EBF2: variants seen among roughly 807,000 people sequenced by gnomAD.
The protein encoded by EBF2 is EBF transcription factor 2, also known as transcription factor COE2.
Under a neutral mutation model 72.8 loss-of-function variants are expected in EBF2, and 21 were observed. That is an observed-to-expected ratio of 0.29 (90% confidence interval 0.20 to 0.42). The LOEUF (loss-of-function observed/expected upper bound fraction) is 0.42. EBF2 is among the 10% of genes least tolerant of loss of function. The pLI is 1.00. For synonymous variants in EBF2, 299 were observed against 274.2 expected, an observed-to-expected ratio of 1.09 and a Z score of -0.89; for missense variants, 637 against 731.2, an observed-to-expected ratio of 0.87 and a Z score of 1.49.
intron 6 of EBF2, among the ~76,000 whole-genome samples, chr8:25,995,160 G>A (rs1804603885): frequency 6.6e-6 from 1 of 151,954 alleles, no homozygotes; most frequent in African/African-American, 2.4e-5. Context: ...ACAAACATTA[G>A]CCAGGCGTGG....
chr8:25,868,382 C>A (rs1802371184), intron 10 of EBF2, among the ~76,000 whole-genome samples: 1 of 152,168 alleles, frequency 6.6e-6, no homozygotes, highest in African/African-American at 2.4e-5. Context: ...TTAACACATC[C>A]ATTTTTGCTT....
chr8:25,927,590 G>A (rs1433173781), intron 6 of EBF2, among the ~76,000 whole-genome samples: 1 of 151,958 alleles, frequency 6.6e-6, no homozygotes, highest in Non-Finnish European at 1.5e-5. Context: ...TGCTAGGGTG[G>A]GCAACTCCTG....
chr8:25,918,028 GC>G (rs1344116788), intron 6 of EBF2, among the ~76,000 whole-genome samples: 3 of 152,202 alleles, frequency 2.0e-5, no homozygotes, highest in African/African-American at 4.8e-5. Context: ...TTTCACACCT[GC>G]CAGAACAGAT....
chr8:25,860,391 TAATCAC>T (rs1802191099), intron 13 of EBF2, among the ~76,000 whole-genome samples: 1 of 152,126 alleles, frequency 6.6e-6, no homozygotes, highest in Non-Finnish European at 1.5e-5. Context: ...TTCAATCTGA[TAATCAC>T]AATAACAGAA....
At chr8:26,023,025 C>T (rs563363475) in intron 6 of EBF2, among the ~76,000 whole-genome samples, 2 of 152,140 alleles carry the variant, frequency 1.3e-5, no homozygotes, top group African/African-American at 2.4e-5. Flanking sequence ...CCTAAATCTG[C>T]GAATCATCTG....
chr8:25,850,094 C>A (rs945386054), intron 15 of EBF2, among the ~76,000 whole-genome samples: 15 of 152,162 alleles, frequency 9.9e-5, no homozygotes, highest in Non-Finnish European at 1.8e-4. Flanking sequence ...TCTGTTTTCC[C>A]TGATCTTACT....
chr8:25,863,057 CAAAT>C (rs983837415), intron 10 of EBF2, among the ~76,000 whole-genome samples: 1 of 138,712 alleles, frequency 7.2e-6, no homozygotes, highest in African/African-American at 2.7e-5. Flanking sequence ...TCTCTGCTAT[CAAAT>C]AAAAAATTAA....
At chr8:25,919,944 A>G (rs1266780751) in intron 6 of EBF2, among the ~76,000 whole-genome samples, 7 of 152,360 alleles carry the variant, frequency 4.6e-5, no homozygotes, top group Non-Finnish European at 2.9e-5. Context: ...GTTTGGAAAC[A>G]TAACACTTTT....
intron 6 of EBF2, among the ~76,000 whole-genome samples, chr8:26,025,412 A>C (rs964957349): frequency 1.6e-4 from 25 of 152,156 alleles, no homozygotes; most frequent in African/African-American, 5.6e-4. Context: ...ACTGAATAAC[A>C]TAAGGACTTA....
At chr8:25,845,975 C>T (rs1801824828) in intron 15 of EBF2, among the ~76,000 whole-genome samples, 1 of 152,120 alleles carries the variant, frequency 6.6e-6, no homozygotes, top group African/African-American at 2.4e-5. Flanking sequence ...CTCTCTGCCC[C>T]TTTTTTCCAC....
chr8:26,016,269 C>T lies in EBF2; in HGVS notation c.551+16816G>A, dbSNP rs376093851. ...CTCTACCCAGAGTCTACCAACTGCA[C>T]ACCACTGTGCCTCATCATATTTGAT... On this transcript the variant is annotated intron_variant, in intron 6 of 15. Transcript: ENST00000520164. Among the ~76,000 whole-genome samples the T allele has an allele frequency of 3.4e-4, 52 of 152,314 alleles. 1 individual carries two copies. The East Asian group carries it at 8.7e-3, about 25-fold the overall frequency.
intron 1 of EBF2, among the ~76,000 whole-genome samples, chr8:26,042,581 T>C (rs564683178): frequency 6.6e-6 from 1 of 152,214 alleles, no homozygotes; most frequent in East Asian, 1.9e-4. Flanking sequence ...AGTGGTCCCC[T>C]AAGGAGGTGG....
At chr8:25,918,601 ACTTC>A (rs1213694380) in intron 6 of EBF2, among the ~76,000 whole-genome samples, 1 of 152,148 alleles carries the variant, frequency 6.6e-6, no homozygotes, top group East Asian at 1.9e-4. Context: ...GAGATCATTC[ACTTC>A]CTTCTATAAA....
At chr8:25,898,323 C>T (rs113842496) in intron 7 of EBF2, among the ~76,000 whole-genome samples, 44 of 152,148 alleles carry the variant, frequency 2.9e-4, no homozygotes, top group African/African-American at 8.7e-4. Flanking sequence ...AAGAAGAATT[C>T]TAATTGGCAT....
chr8:26,030,494 G>A (rs1585234168), intron 6 of EBF2, among the ~76,000 whole-genome samples: 1 of 151,964 alleles, frequency 6.6e-6, no homozygotes, highest in African/African-American at 2.4e-5. Flanking sequence ...ATTAATGGGT[G>A]CAGCACACCA....
At chr8:25,874,756 G>T (rs1156578614) in intron 10 of EBF2, among the ~76,000 whole-genome samples, 1 of 151,754 alleles carries the variant, frequency 6.6e-6, no homozygotes, top group African/African-American at 2.4e-5. Flanking sequence ...TGCAATCATA[G>T]CTCACTGCAG....
At chr8:25,971,448 C>T (rs1309387179) in intron 6 of EBF2, among the ~76,000 whole-genome samples, 1 of 152,068 alleles carries the variant, frequency 6.6e-6, no homozygotes, top group Non-Finnish European at 1.5e-5. Context: ...TTCCAGACCC[C>T]GCCCCCGAAA....
chr8:25,934,389 T>C (rs1803539690), intron 6 of EBF2, among the ~76,000 whole-genome samples: 1 of 152,234 alleles, frequency 6.6e-6, no homozygotes, highest in Non-Finnish European at 1.5e-5. Flanking sequence ...ATAATTCTGC[T>C]ATTTTATTTT....
At chr8:25,908,644 C>A (rs1301524313) in intron 6 of EBF2, 89 bp from the exon 7 acceptor site, 4 of 888,362 alleles carry the variant, frequency 4.5e-6, no homozygotes, top group Admixed American at 4.4e-5. Flanking sequence ...GATTTGACAG[C>A]GATTCTATTT....
Sources: allele counts gnomAD v4.1 joint callset (sites outside exome capture counted in the v4.1 genomes callset), GRCh38; gene constraint gnomAD v4.1.1; transcripts MANE v1.5; gene names NCBI Gene and HGNC (gene_info 2026-07-23, HGNC 2026-07-21).